APBA2: variants seen among roughly 807,000 people sequenced by gnomAD.
APBA2 encodes the protein amyloid-beta A4 precursor protein-binding family A member 2.
In APBA2, 30 loss-of-function variants were observed where a neutral mutation model predicts 75.0. The observed-to-expected ratio is 0.40, with a 90% CI of 0.30 to 0.54. APBA2 has a LOEUF of 0.54. Among genes scored for constraint, APBA2 ranks in the 20% least tolerant of loss-of-function variants. APBA2 has a pLI of 0.49. For missense variants in APBA2, 801 were observed against 1,016.1 expected (o/e 0.79, Z 2.88); for synonymous variants, 444 against 409.6 (o/e 1.08, Z -1.01).
intron 2 of APBA2, among the ~76,000 whole-genome samples, chr15:28,933,086 C>T (rs78360247): frequency 6.6e-6 from 1 of 152,140 alleles, no homozygotes; most frequent in Non-Finnish European, 1.5e-5. Context: ...TAGGAACCTG[C>T]TCCTCAGTCA....
chr15:28,942,024 G>C (rs1379527095), intron 2 of APBA2, among the ~76,000 whole-genome samples: 1 of 152,234 alleles, frequency 6.6e-6, no homozygotes, highest in Non-Finnish European at 1.5e-5. Context: ...CTCCTAAAGT[G>C]CTGGGATTAC....
chr15:29,098,475 C>T lies in APBA2; in HGVS notation c.1252-15C>T. The T allele has an allele frequency of 6.2e-7, 1 of 1,604,754 alleles. No individual in the cohort carries two copies. The highest frequency in any genetic ancestry group is 8.5e-7 in the Non-Finnish European group (1 of 1,171,488). ...TTGGTTTTTGGACTTTAACAATATC[C>T]ACTGTCCTTCTTAGAATTCTGAGGG... On this transcript the variant is annotated splice_polypyrimidine_tract_variant and intron_variant, in intron 8 of 14. Coordinates refer to ENST00000683413, the MANE Select transcript of APBA2 (RefSeq NM_001353788.2).
intron 3 of APBA2, among the ~76,000 whole-genome samples, chr15:29,050,145 G>A (rs2041526482): frequency 6.6e-6 from 1 of 152,168 alleles, no homozygotes; most frequent in Non-Finnish European, 1.5e-5. Context: ...GGAAGGAATA[G>A]ATTTTTGTAC....
In APBA2 at chr15:29,106,675, C is replaced by T; in HGVS notation, c.1773C>T (p.Ile591=). 1.2e-6 allele frequency: 2 copies of T among 1,613,016 alleles called. No homozygotes were observed. Among genetic ancestry groups the T allele is most frequent in the Non-Finnish European group, 1.7e-6 (2 of 1,179,986 alleles). The part of the protein sequence containing the change: ...VVVVESGWGS[I]LPTVILANMM... ...TGGTGGAGTCGGGCTGGGGCTCCATCCTGCCCACGGTGATCCTGGCCAACA... is the reference window on the plus strand; with the variant it reads ...TGGTGGAGTCGGGCTGGGGCTCCATTCTGCCCACGGTGATCCTGGCCAACA... The change falls in exon 12 of 15, where the codon ATC becomes ATT. Residue 591 remains isoleucine, a synonymous_variant. Coordinates refer to ENST00000683413, the MANE Select transcript of APBA2 (RefSeq NM_001353788.2).
intron 1 of APBA2, among the ~76,000 whole-genome samples, chr15:28,917,642 A>G (rs1363240922): frequency 6.6e-6 from 1 of 151,660 alleles, no homozygotes; most frequent in Non-Finnish European, 1.5e-5. Flanking sequence ...ATTCGTTACC[A>G]TTGATGGGGC....
chr15:29,004,558 C>T (rs2039014195), intron 3 of APBA2, among the ~76,000 whole-genome samples: 1 of 152,080 alleles, frequency 6.6e-6, no homozygotes, highest in African/African-American at 2.4e-5. Context: ...CCATCCTGGG[C>T]CTCTGTGTTC....
chr15:29,078,303 TA>T (rs914401413), intron 6 of APBA2, among the ~76,000 whole-genome samples: 8 of 144,782 alleles, frequency 5.5e-5, no homozygotes, highest in East Asian at 2.1e-4. Flanking sequence ...AAAAAAAATA[TA>T]AAAAAAATAT....
chr15:28,903,609 G>A (rs1333857659), intron 1 of APBA2, among the ~76,000 whole-genome samples: 6 of 152,238 alleles, frequency 3.9e-5, no homozygotes, highest in Non-Finnish European at 7.3e-5. Flanking sequence ...CGGGGACCCC[G>A]TGGTCTTGTG....
intron 3 of APBA2, among the ~76,000 whole-genome samples, chr15:29,049,528 A>G (rs1390406684): frequency 2.0e-5 from 3 of 152,114 alleles, no homozygotes; most frequent in Non-Finnish European, 2.9e-5. Context: ...AAGGGTGGAC[A>G]TTTTCCCTGG....
rs1318726659 is a variant in APBA2, at chr15:29,105,611, C to CT, written c.1704+54dup. On this transcript the variant is annotated intron_variant, in intron 11 of 14. Coordinates refer to ENST00000683413, the MANE Select transcript of APBA2 (RefSeq NM_001353788.2). ...GGCCACATTTGCCAGCTTCTGCTCC[C>CT]TGAGCTCCTGCAGAGCGAGCCTTCC... 12 of 1,598,918 alleles carry CT rather than the reference C, an allele frequency of 7.5e-6. No individual in the cohort carries two copies. The African/African-American group carries it at 1.3e-4, about 18-fold the overall frequency.
chr15:29,105,449 G>A lies in APBA2; in HGVS notation c.1595G>A (p.Gly532Asp). The A allele has an allele frequency of 6.2e-7, 1 of 1,613,806 alleles. No individual in the cohort carries two copies. Among genetic ancestry groups the A allele is most frequent in the Non-Finnish European group, 8.5e-7 (1 of 1,180,030 alleles). Residue 532 changes from glycine (G) to aspartate (D), a missense_variant, in exon 11 of 15, where the codon GGC becomes GAC. By Grantham distance (94) the Gly-to-Asp change is moderately conservative. Coordinates refer to ENST00000683413, the MANE Select transcript of APBA2 (RefSeq NM_001353788.2). ...VAYQEFLRANGINPEDLSQKE... is the reference protein window; with the variant it reads ...VAYQEFLRANDINPEDLSQKE... The stretch of plus-strand genomic sequence containing the variant: ...TACCAGGAGTTCCTGCGAGCCAATG[G>A]CATCAACCCCGAAGACTTGAGCCAG...
intron 6 of APBA2, among the ~76,000 whole-genome samples, chr15:29,080,512 A>C (rs113664138): frequency 0.023 from 3,459 of 152,224 alleles, 141 homozygotes; most frequent in African/African-American, 0.079. Context: ...CTGTCTGTGG[A>C]AAGTTCTCGG....
intron 3 of APBA2, among the ~76,000 whole-genome samples, chr15:29,020,157 G>A (rs182993384): frequency 1.3e-5 from 2 of 152,188 alleles, no homozygotes; most frequent in African/African-American, 2.4e-5. Context: ...AAGGTCACAC[G>A]TTCATGTGAG....
chr15:29,109,182 G>A (rs1286184191), intron 13 of APBA2, among the ~76,000 whole-genome samples: 1 of 152,116 alleles, frequency 6.6e-6, no homozygotes, highest in Non-Finnish European at 1.5e-5. Context: ...TGATGGGGAG[G>A]GTGTGTGCCC....
At chr15:28,997,240 A>C (rs1191104918) in intron 3 of APBA2, among the ~76,000 whole-genome samples, 2 of 152,224 alleles carry the variant, frequency 1.3e-5, no homozygotes, top group African/African-American at 4.8e-5. Flanking sequence ...TAAGAGATGC[A>C]GGACAATCAG....
chr15:29,055,669 G>A (rs1293834974), intron 4 of APBA2, among the ~76,000 whole-genome samples: 1 of 38,272 alleles, frequency 2.6e-5, no homozygotes, highest in Non-Finnish European at 4.2e-5. Flanking sequence ...ATGAATTTGA[G>A]TGTGTGTGTG....
intron 6 of APBA2, among the ~76,000 whole-genome samples, chr15:29,092,137 G>C (rs1157228384): frequency 6.6e-6 from 1 of 152,196 alleles, no homozygotes; most frequent in Non-Finnish European, 1.5e-5. Context: ...CACACCTCCT[G>C]TTTTACATAC....
At chr15:28,908,833 A>T (rs1361973544) in intron 1 of APBA2, among the ~76,000 whole-genome samples, 1 of 152,202 alleles carries the variant, frequency 6.6e-6, no homozygotes, top group Non-Finnish European at 1.5e-5. Flanking sequence ...TAAGTATATG[A>T]TTCTATGGCA....
intron 4 of APBA2, among the ~76,000 whole-genome samples, chr15:29,055,248 CA>C (rs1167541523): frequency 6.6e-6 from 1 of 152,178 alleles, no homozygotes; most frequent in Non-Finnish European, 1.5e-5. Flanking sequence ...GGTGCTCACC[CA>C]CTGCTGCGGC....
Sources: allele counts gnomAD v4.1 joint callset (sites outside exome capture counted in the v4.1 genomes callset), GRCh38; gene constraint gnomAD v4.1.1; transcripts MANE v1.5; gene names NCBI Gene and HGNC (gene_info 2026-07-23, HGNC 2026-07-21).